Variants in FOXO3 observed in about 807,000 individuals in gnomAD.
The protein encoded by FOXO3 is forkhead box O3.
A neutral mutation model predicts 41.9 loss-of-function variants in FOXO3; 4 were observed. That is an observed-to-expected ratio of 0.10 (90% CI 0.05 to 0.22). The LOEUF is 0.22. FOXO3 is among the 10% of genes least tolerant of loss of function. The pLI, the probability that FOXO3 is intolerant of heterozygous loss-of-function variation, is 1.00. For missense variants in FOXO3, 534 were observed against 906.8 expected, an observed-to-expected ratio of 0.59 and a Z score of 5.28; for synonymous variants, 318 against 389.3, an observed-to-expected ratio of 0.82 and a Z score of 2.16.
At chr6:108,628,338 T>TC (rs767678677) in intron 1 of FOXO3, among the ~76,000 whole-genome samples, 2 of 152,292 alleles carry the variant, frequency 1.3e-5, no homozygotes, top group Middle Eastern at 3.4e-3. Context: ...CAAAATTACC[T>TC]CCATGTACTC....
chr6:108,664,368 G>T lies in FOXO3; in HGVS notation c.1535G>T (p.Arg512Leu). 6.2e-7 allele frequency: 1 copy of T among 1,613,528 alleles called. No homozygotes were observed. Among genetic ancestry groups the T allele is most frequent in the Non-Finnish European group, 8.5e-7 (1 of 1,179,746 alleles). Reference sequence around the variant, plus strand: ...AATTCCCGCCGGAACGTGATGCTTCGCAATGATCCGATGATGTCCTTTGCT... The same window carrying T: ...AATTCCCGCCGGAACGTGATGCTTCTCAATGATCCGATGATGTCCTTTGCT... ...AQNSRRNVML[R>L]NDPMMSFAAQ... is the part of the protein sequence containing the mutation. The change falls in exon 2 of 3, where the codon CGC becomes CTC. Residue 512 changes from arginine to leucine, a missense_variant. Around this residue, in one of 8 missense-constraint regions of FOXO3, gnomAD observed 94 missense variants for 214.4 expected, o/e 0.44. Transcript: ENST00000406360.
chr6:108,663,931 G>C lies in FOXO3; in HGVS notation c.1098G>C (p.Leu366=). Residue 366 remains leucine, a synonymous_variant, in exon 2 of 3, where the codon CTG becomes CTC. Coordinates refer to ENST00000406360, the MANE Select transcript of FOXO3 (RefSeq NM_001455.4). ...PSVSKPCTVE[L]PRLTDMAGTM... is the part of the protein sequence containing the mutation. ...TAAGCAAGCCGTGCACGGTGGAACT[G>C]CCACGGCTGACTGATATGGCAGGCA... 2 of 1,614,218 alleles carry C rather than the reference G, an allele frequency of 1.2e-6. No homozygotes were observed. The highest frequency in any genetic ancestry group is 1.7e-6 in the Non-Finnish European group (2 of 1,180,042).
At chr6:108,623,164 T>C (rs1262915323) in intron 1 of FOXO3, among the ~76,000 whole-genome samples, 5 of 151,914 alleles carry the variant, frequency 3.3e-5, no homozygotes, top group African/African-American at 1.2e-4. Context: ...TGGGGAGGAC[T>C]GTGGTGATGC....
At chr6:108,621,334 C>A (rs1777657677) in intron 1 of FOXO3, among the ~76,000 whole-genome samples, 2 of 152,282 alleles carry the variant, frequency 1.3e-5, no homozygotes, top group South Asian at 4.1e-4. Flanking sequence ...GCCTTGCCAA[C>A]TGCCTGCTGT....
At chr6:108,610,332 A>G (rs1252271326) in intron 1 of FOXO3, among the ~76,000 whole-genome samples, 1 of 152,186 alleles carries the variant, frequency 6.6e-6, no homozygotes, top group Admixed American at 6.5e-5. Context: ...TGGACTCCTT[A>G]TCAGGAACTC....
At chr6:108,669,005 G>A (rs1282108295) in intron 2 of FOXO3, among the ~76,000 whole-genome samples, 2 of 152,090 alleles carry the variant, frequency 1.3e-5, no homozygotes, top group East Asian at 1.9e-4. Flanking sequence ...CCAGCTACTC[G>A]GAGAGGCTGA....
rs1245315017 is a variant in FOXO3 at position 108,683,266 on chromosome 6, A to G, written c.*3474A>G. On this transcript the variant is annotated 3_prime_UTR_variant, in exon 3 of 3. Transcript: ENST00000406360. The stretch of plus-strand genomic sequence containing the variant: ...TGAGGAGAGGACACCATGGCTTACT[A>G]CTCAGGACAAGTATGCCCCGCTCAG... 4.6e-5 allele frequency: 7 copies of G among 152,242 alleles called. No homozygotes were observed. The highest frequency in any genetic ancestry group is 1.0e-4 in the Non-Finnish European group (7 of 68,012). 9.4% of individuals were successfully genotyped at this position (152,242 alleles called of 1,614,324 possible).
chr6:108,577,202 T>TA (rs56992760), intron 1 of FOXO3, among the ~76,000 whole-genome samples: 146,164 of 150,836 alleles, frequency 0.97, 70,996 homozygotes, highest in East Asian at 1. Context: ...GTAACTCTTC[T>TA]AAAAAAAAAT....
At chr6:108,608,615 T>G (rs777427974) in intron 1 of FOXO3, among the ~76,000 whole-genome samples, 19 of 152,186 alleles carry the variant, frequency 1.2e-4, no homozygotes, top group Non-Finnish European at 2.5e-4. Context: ...AAGAGCCAAC[T>G]CTATGGTTTC....
intron 1 of FOXO3, among the ~76,000 whole-genome samples, chr6:108,580,228 G>A (rs2128359811): frequency 1.9e-5 from 2 of 104,764 alleles, no homozygotes; most frequent in Admixed American, 3.2e-4. Context: ...TCACTCTGTT[G>A]CCCAGGCTGG....
At chr6:108,609,298 A>G (rs1028439016) in intron 1 of FOXO3, among the ~76,000 whole-genome samples, 2 of 152,178 alleles carry the variant, frequency 1.3e-5, no homozygotes, top group African/African-American at 2.4e-5. Context: ...TAGAGACTAG[A>G]CAGATTTCAC....
chr6:108,633,129 A>G (rs770118624), intron 1 of FOXO3, among the ~76,000 whole-genome samples: 7 of 152,218 alleles, frequency 4.6e-5, no homozygotes, highest in Non-Finnish European at 7.3e-5. Context: ...ATATTTTAGC[A>G]TTGAGCATAG....
intron 1 of FOXO3, among the ~76,000 whole-genome samples, chr6:108,616,519 A>G (rs899650472): frequency 2.0e-5 from 3 of 151,662 alleles, no homozygotes; most frequent in Admixed American, 2.0e-4. Flanking sequence ...GCTGGTCTCA[A>G]CTCCTGGCCT....
chr6:108,602,430 TAAG>T (rs1389066243), intron 1 of FOXO3, among the ~76,000 whole-genome samples: 1 of 152,216 alleles, frequency 6.6e-6, no homozygotes, highest in African/African-American at 2.4e-5. Context: ...CCACTTGGCC[TAAG>T]AAGATCTTTC....
chr6:108,563,304 TA>T (rs1281725094), intron 1 of FOXO3, among the ~76,000 whole-genome samples: 2 of 152,264 alleles, frequency 1.3e-5, no homozygotes, highest in African/African-American at 4.8e-5. Flanking sequence ...ATTAATCCAC[TA>T]ATGTGTCTCA....
chr6:108,633,322 AGT>A (rs770216368), intron 1 of FOXO3, among the ~76,000 whole-genome samples: 7 of 151,762 alleles, frequency 4.6e-5, no homozygotes, highest in Non-Finnish European at 1.0e-4. Context: ...TGGGTATGAA[AGT>A]GTGTGTGTGT....
At chr6:108,656,734 A>G (rs1317931882) in intron 1 of FOXO3, among the ~76,000 whole-genome samples, 1 of 152,186 alleles carries the variant, frequency 6.6e-6, no homozygotes, top group African/African-American at 2.4e-5. Flanking sequence ...TTGGTGGAAT[A>G]CTTTTCATTT....
rs149479337 is a variant in FOXO3, at chr6:108,630,102, C to T, written c.622-33353C>T. On this transcript the variant is annotated intron_variant, in intron 1 of 2. Transcript: ENST00000406360. ...ATAGTTTCCTCTGGTTTTGTCTAGA[C>T]CACAAGTGGCTTCAGAGAAACAGGC... Among the ~76,000 whole-genome samples the T allele has an allele frequency of 2.0e-4, 30 of 152,222 alleles. No individual in the cohort carries two copies. In the East Asian group the frequency reaches 5.8e-3, roughly 29 times the overall value.
intron 2 of FOXO3, among the ~76,000 whole-genome samples, chr6:108,673,654 G>A (rs1272672795): frequency 6.6e-6 from 1 of 152,182 alleles, no homozygotes; most frequent in African/African-American, 2.4e-5. Flanking sequence ...GTATTTGGTA[G>A]CTAAACCCTG....
Sources: gnomAD v4.1 joint callset for allele counts (sites outside exome capture counted in the v4.1 genomes callset) on GRCh38, gnomAD v4.1.1 for gene constraint, gnomAD v4.1.1 regional missense constraint, MANE v1.5 for transcripts, NCBI Gene and HGNC (gene_info 2026-07-23, HGNC 2026-07-21) for gene names.